Variants in PRKCQ observed in about 807,000 individuals in gnomAD.
The protein encoded by PRKCQ is protein kinase C theta type.
PRKCQ carries 41 observed loss-of-function variants against 91.2 expected under a neutral mutation model. That is an observed-to-expected ratio of 0.45 (90% CI 0.35 to 0.58). The LOEUF (loss-of-function observed/expected upper bound fraction) is 0.58, where lower values mean the gene tolerates loss of function less well. Ranked by LOEUF, PRKCQ falls within the 20% of genes least tolerant of loss-of-function variation. The probability of loss-of-function intolerance (pLI) is 0.00; values close to 1 mark genes in which losing one functional copy is unlikely to be tolerated. For missense variants in PRKCQ, 673 were observed against 896.5 expected (o/e 0.75, Z 3.18); for synonymous variants, 307 against 316.9 (o/e 0.97, Z 0.33).
At chr10:6,451,175 G>T (rs575924187) in intron 15 of PRKCQ, among the ~76,000 whole-genome samples, 2 of 149,642 alleles carry the variant, frequency 1.3e-5, no homozygotes, top group African/African-American at 4.9e-5. Context: ...TTGATAGACC[G>T]CTAGCAAGAC....
chr10:6,463,163 G>A (rs1388452389), intron 13 of PRKCQ, among the ~76,000 whole-genome samples: 1 of 152,148 alleles, frequency 6.6e-6, no homozygotes, highest in Non-Finnish European at 1.5e-5. Flanking sequence ...AACACTTACA[G>A]CCCATGAGGT....
chr10:6,397,611 A>G, the PRKCQ span, among the ~76,000 whole-genome samples: 2 of 151,960 alleles, frequency 1.3e-5, no homozygotes, highest in Admixed American at 6.6e-5. Flanking sequence ...TAGCTTCCAT[A>G]TTTGTGATAT....
chr10:6,442,058 G>C lies in PRKCQ; in HGVS notation c.1671C>G (p.Asn557Lys), dbSNP rs1833998037. ...APEILLGQKY[N>K]HSVDWWSFGV... The stretch of plus-strand genomic sequence containing the variant: ...CGAAGGACCACCAGTCCACAGAGTG[G>C]TTGTATTTCTGACCCAGCAAGATCT... The change falls in exon 16 of 18, where the codon AAC (asparagine) becomes AAG (lysine). Residue 557 changes from asparagine (N) to lysine (K), a missense_variant. By Grantham distance (94) the Asn-to-Lys change is moderately conservative (BLOSUM62 0). Transcript: ENST00000263125. The C allele has an allele frequency of 6.2e-7, 1 of 1,613,200 alleles. No homozygotes were observed. Among genetic ancestry groups the C allele is most frequent in the Non-Finnish European group, 8.5e-7 (1 of 1,179,360 alleles).
At chr10:6,431,419 GA>G (rs1833420001) in intron 16 of PRKCQ, among the ~76,000 whole-genome samples, 1 of 152,096 alleles carries the variant, frequency 6.6e-6, no homozygotes, top group South Asian at 2.1e-4. Context: ...AGCACGTGCA[GA>G]CATACATACA....
At chr10:6,410,715 G>A in the PRKCQ span, among the ~76,000 whole-genome samples, 1 of 152,202 alleles carries the variant, frequency 6.6e-6, no homozygotes, top group Non-Finnish European at 1.5e-5. Flanking sequence ...GGGTGCAGTG[G>A]TTCACACCTG....
At chr10:6,509,899 G>C (rs1838385700) in intron 3 of PRKCQ, among the ~76,000 whole-genome samples, 1 of 152,082 alleles carries the variant, frequency 6.6e-6, no homozygotes, top group Admixed American at 6.5e-5. Flanking sequence ...CATTTTTTTA[G>C]GTCAAAAATA....
chr10:6,556,596 G>A (rs1327245), intron 1 of PRKCQ, among the ~76,000 whole-genome samples: 137,616 of 151,854 alleles, frequency 0.91, 63,088 homozygotes, highest in East Asian at 1. Flanking sequence ...TCATGAAAAC[G>A]TTCTGGAAAC....
intron 16 of PRKCQ, 88 bp from the exon 17 acceptor site, chr10:6,431,026 C>T: frequency 6.7e-7 from 1 of 1,482,378 alleles, no homozygotes; most frequent in Non-Finnish European, 9.0e-7. Context: ...TGCACCAGCC[C>T]CTTCTTTTCT....
chr10:6,561,730 T>A (rs1480465753), intron 1 of PRKCQ, among the ~76,000 whole-genome samples: 1 of 152,250 alleles, frequency 6.6e-6, no homozygotes, highest in East Asian at 1.9e-4. Flanking sequence ...GCCACCATTC[T>A]CGCTGGTTTT....
chr10:6,413,588 G>GCACA, the PRKCQ span, among the ~76,000 whole-genome samples: 13,740 of 23,870 alleles, frequency 0.58, 3,637 homozygotes, highest in Non-Finnish European at 0.62. Context: ...TGCCACTTGT[G>GCACA]CACACACACA....
the PRKCQ span, among the ~76,000 whole-genome samples, chr10:6,417,246 A>C: frequency 2.0e-5 from 3 of 152,214 alleles, no homozygotes; most frequent in African/African-American, 7.2e-5. Flanking sequence ...GGTGGATGTC[A>C]TCAGTTGTTA....
chr10:6,579,452 G>C (rs1009646613), intron 1 of PRKCQ, among the ~76,000 whole-genome samples: 6 of 152,100 alleles, frequency 3.9e-5, no homozygotes, highest in African/African-American at 9.7e-5. Flanking sequence ...CAGCCAGCCC[G>C]TGGACCTCTC....
the PRKCQ span, among the ~76,000 whole-genome samples, chr10:6,403,240 C>T: frequency 1.3e-5 from 2 of 152,168 alleles, no homozygotes; most frequent in African/African-American, 2.4e-5. Context: ...AGGTGGGGTG[C>T]GGCAGGATTC....
chr10:6,576,368 A>G lies in PRKCQ; in HGVS notation c.-10+3843T>C, dbSNP rs542257147. On this transcript the variant is annotated intron_variant, in intron 1 of 17. Coordinates refer to ENST00000263125, the MANE Select transcript of PRKCQ (RefSeq NM_006257.5). The surrounding 1 kb of genome is among the most constrained non-coding windows in gnomAD (Gnocchi z 4.2). ...CATAAATGGAATAGTATTCAGACTT[A>G]AAAAGGAAGGAAGTCCTGTCCAATG... 1.3e-5 allele frequency among the ~76,000 whole-genome samples: 2 copies of G among 152,250 alleles called. No individual in the cohort carries two copies. Among genetic ancestry groups the G allele is most frequent in the African/African-American group, 2.4e-5 (1 of 41,466 alleles).
At chr10:6,565,110 C>T (rs529109897) in intron 1 of PRKCQ, among the ~76,000 whole-genome samples, 2 of 152,216 alleles carry the variant, frequency 1.3e-5, no homozygotes, top group South Asian at 2.1e-4. Context: ...AGCAAATATA[C>T]GTTTCACTTT....
At chr10:6,452,191 C>G (rs897735388) in intron 15 of PRKCQ, among the ~76,000 whole-genome samples, 2 of 152,140 alleles carry the variant, frequency 1.3e-5, no homozygotes, top group Non-Finnish European at 2.9e-5. Flanking sequence ...TGTCTCAGCC[C>G]AAAATCTCCT....
At chr10:6,526,242 T>C (rs1163606857) in intron 1 of PRKCQ, among the ~76,000 whole-genome samples, 2 of 152,190 alleles carry the variant, frequency 1.3e-5, no homozygotes, top group African/African-American at 4.8e-5. Context: ...GATTACAGTA[T>C]CCACGATTTC....
At chr10:6,426,210 G>C (rs754111655), downstream of PRKCQ, among the ~76,000 whole-genome samples, 2 of 152,202 alleles carry the variant, frequency 1.3e-5, no homozygotes, top group Non-Finnish European at 2.9e-5. Flanking sequence ...AGGGACTTTA[G>C]ATAGCGTCTT....
chr10:6,520,712 TTC>T (rs1157672031), intron 1 of PRKCQ, among the ~76,000 whole-genome samples: 1 of 152,166 alleles, frequency 6.6e-6, no homozygotes, highest in East Asian at 1.9e-4. Flanking sequence ...GCTCCTGCAG[TTC>T]TCTGAGTGCA....
Sources: allele counts gnomAD v4.1 joint callset (sites outside exome capture counted in the v4.1 genomes callset), GRCh38; gene constraint gnomAD v4.1.1; non-coding constraint Gnocchi (gnomAD v3.1); transcripts MANE v1.5; gene names NCBI Gene and HGNC (gene_info 2026-07-23, HGNC 2026-07-21).